Variants in CNTNAP5 observed in about 807,000 individuals in gnomAD.
CNTNAP5 encodes the protein contactin-associated protein-like 5.
Under a neutral mutation model 150.2 loss-of-function variants are expected in CNTNAP5, and 72 were observed. The observed-to-expected ratio is 0.48, with a 90% confidence interval of 0.40 to 0.58. The LOEUF is 0.58. CNTNAP5 is among the 20% of genes least tolerant of loss of function. CNTNAP5 has a pLI of 0.00. For missense variants in CNTNAP5, 1,636 were observed against 1,626.2 expected (o/e 1.01, Z -0.10); for synonymous variants, 672 against 619.8 (o/e 1.08, Z -1.25).
In CNTNAP5 at chr2:124,025,741, G is replaced by A. The variant is rs1680868854; in HGVS notation, c.82+9G>A. 1 of 1,606,812 alleles carries A rather than the reference G, an allele frequency of 6.2e-7. No homozygotes were observed. Among genetic ancestry groups the A allele is most frequent in the Non-Finnish European group, 8.5e-7 (1 of 1,173,528 alleles). The stretch of plus-strand genomic sequence containing the variant: ...ATTAACAGCGACAAACTGTGAGTAC[G>A]AGGAGCTGGGGGCGGGAAGGTGAGG... On this transcript the variant is annotated intron_variant, in intron 1 of 23. Coordinates refer to ENST00000682447, the MANE Select transcript of CNTNAP5 (RefSeq NM_001367498.1).
intron 8 of CNTNAP5, among the ~76,000 whole-genome samples, chr2:124,513,697 C>T (rs1694644283): frequency 6.6e-6 from 1 of 152,110 alleles, no homozygotes; most frequent in African/African-American, 2.4e-5. Context: ...TTATATGCCG[C>T]ATAATGTGTC....
intron 1 of CNTNAP5, among the ~76,000 whole-genome samples, chr2:124,046,344 T>A (rs1681533642): frequency 6.7e-6 from 1 of 148,922 alleles, no homozygotes; most frequent in African/African-American, 2.5e-5. Flanking sequence ...ACATTTTTAA[T>A]ACAAAGAATA....
At chr2:124,746,576 C>G (rs1018129110) in intron 13 of CNTNAP5, among the ~76,000 whole-genome samples, 10 of 152,038 alleles carry the variant, frequency 6.6e-5, no homozygotes, top group Admixed American at 2.0e-4. Context: ...GAGGATATGG[C>G]AACTGCAGGG....
intron 13 of CNTNAP5, among the ~76,000 whole-genome samples, chr2:124,689,535 G>T (rs1010117992): frequency 6.6e-6 from 1 of 152,088 alleles, no homozygotes; most frequent in Non-Finnish European, 1.5e-5. Flanking sequence ...ACATGTGTTT[G>T]CCTGTCCACA....
At chr2:124,867,646 C>T (rs1677660468) in intron 20 of CNTNAP5, among the ~76,000 whole-genome samples, 1 of 152,136 alleles carries the variant, frequency 6.6e-6, no homozygotes, top group South Asian at 2.1e-4. Context: ...CATCATCTCT[C>T]AAAACTCTAC....
At chr2:124,825,918 T>C (rs1220691638) in intron 19 of CNTNAP5, among the ~76,000 whole-genome samples, 1 of 152,150 alleles carries the variant, frequency 6.6e-6, no homozygotes, top group Non-Finnish European at 1.5e-5. Context: ...CAAGTGTCTG[T>C]AACTGTAGAA....
intron 13 of CNTNAP5, among the ~76,000 whole-genome samples, chr2:124,668,987 C>T (rs956583925): frequency 1.3e-5 from 2 of 152,204 alleles, no homozygotes; most frequent in East Asian, 3.9e-4. Context: ...CTTCTTCCTG[C>T]AGTCCTATTG....
chr2:124,387,939 G>C (rs1573960273), intron 3 of CNTNAP5, among the ~76,000 whole-genome samples: 2 of 152,126 alleles, frequency 1.3e-5, no homozygotes, highest in East Asian at 1.9e-4. Context: ...TGCAATCCTA[G>C]AGAATCAGGA....
chr2:124,911,590 C>A, intron 23 of CNTNAP5, 52 bp downstream of exon 23: 2 of 1,398,400 alleles, frequency 1.4e-6, no homozygotes, highest in Non-Finnish European at 2.0e-6. Context: ...ATCCTGTATT[C>A]TGGAGAAAGT....
At chr2:124,466,043 C>G (rs960740131) in intron 6 of CNTNAP5, among the ~76,000 whole-genome samples, 2 of 152,086 alleles carry the variant, frequency 1.3e-5, no homozygotes, top group Non-Finnish European at 2.9e-5. Flanking sequence ...TCTCTTTTAC[C>G]TACCACAACT....
At chr2:124,447,888 G>T (rs936644735) in intron 6 of CNTNAP5, among the ~76,000 whole-genome samples, 2 of 152,116 alleles carry the variant, frequency 1.3e-5, no homozygotes, top group Non-Finnish European at 2.9e-5. Context: ...TCAGTGGTGT[G>T]TTTGAGTCAG....
intron 13 of CNTNAP5, among the ~76,000 whole-genome samples, chr2:124,670,122 T>G (rs182916663): frequency 6.9e-6 from 1 of 144,024 alleles, no homozygotes; most frequent in African/African-American, 2.6e-5. Flanking sequence ...TCCTTTCCTT[T>G]TCCTTCCTTC....
intron 2 of CNTNAP5, among the ~76,000 whole-genome samples, chr2:124,240,013 T>C (rs200939926): frequency 9.8e-6 from 1 of 101,810 alleles, no homozygotes; most frequent in South Asian, 2.7e-4. Context: ...TTTTTTTTCC[T>C]GTTGAAGAAT....
chr2:124,752,796 T>C (rs1680756373), intron 14 of CNTNAP5, among the ~76,000 whole-genome samples: 1 of 152,158 alleles, frequency 6.6e-6, no homozygotes, highest in Admixed American at 6.5e-5. Flanking sequence ...AAGGAAACTC[T>C]GGTGACAGCT....
At position 124,106,622 on chromosome 2, in the gene CNTNAP5, A is replaced by T. The variant is rs1431850746; in HGVS notation, c.82+80890A>T. On this transcript the variant is annotated intron_variant, in intron 1 of 23. Coordinates refer to ENST00000682447, the MANE Select transcript of CNTNAP5 (RefSeq NM_001367498.1). The stretch of plus-strand genomic sequence containing the variant: ...CCTTCACCCATTCTTTTCCGAATGC[A>T]GCTCCTCCATTTGGATGTTCCTCAG... Among the ~76,000 whole-genome samples, 5 of 152,298 alleles carry T rather than the reference A, an allele frequency of 3.3e-5. No individual in the cohort carries two copies. In the East Asian group the frequency reaches 7.7e-4, roughly 24 times the overall value.
At chr2:124,029,306 A>T (rs2104618516) in intron 1 of CNTNAP5, among the ~76,000 whole-genome samples, 2 of 152,184 alleles carry the variant, frequency 1.3e-5, no homozygotes, top group East Asian at 3.9e-4. Context: ...AAAAATAAAC[A>T]ATCACGCTGG....
intron 3 of CNTNAP5, among the ~76,000 whole-genome samples, chr2:124,408,399 G>A (rs936646922): frequency 2.1e-4 from 32 of 152,336 alleles, no homozygotes; most frequent in Middle Eastern, 3.4e-3. Context: ...AAGGAGGCCT[G>A]CCTGCCTCTG....
At chr2:124,889,895 A>G (rs2104746992) in intron 21 of CNTNAP5, among the ~76,000 whole-genome samples, 1 of 152,242 alleles carries the variant, frequency 6.6e-6, no homozygotes, top group Non-Finnish European at 1.5e-5. Context: ...AATATTTCAA[A>G]GACAGTCACA....
chr2:124,395,973 C>T (rs1691232610), intron 3 of CNTNAP5, among the ~76,000 whole-genome samples: 1 of 152,122 alleles, frequency 6.6e-6, no homozygotes, highest in African/African-American at 2.4e-5. Flanking sequence ...CAACACCTTG[C>T]TACAGTACCA....
Sources: gnomAD v4.1 joint callset for allele counts (sites outside exome capture counted in the v4.1 genomes callset) on GRCh38, gnomAD v4.1.1 for gene constraint, MANE v1.5 for transcripts, NCBI Gene and HGNC (gene_info 2026-07-23, HGNC 2026-07-21) for gene names.